ADAMTS6: variants seen among roughly 807,000 people sequenced by gnomAD.
The protein encoded by ADAMTS6 is ADAM metallopeptidase with thrombospondin type 1 motif 6.
Under a neutral mutation model 144.3 loss-of-function variants are expected in ADAMTS6, and 23 were observed. The ratio of observed to expected loss-of-function variants is 0.16; its 90% confidence interval spans 0.11 to 0.23. The LOEUF is 0.23. ADAMTS6 is among the 10% of genes least tolerant of loss of function. The pLI is 1.00. For missense variants in ADAMTS6, 999 were observed against 1,379.6 expected, an observed-to-expected ratio of 0.72 and a Z score of 4.37; for synonymous variants, 444 against 457.5, an observed-to-expected ratio of 0.97 and a Z score of 0.38.
At chr5:65,401,843 T>C (rs773327734) in intron 7 of ADAMTS6, among the ~76,000 whole-genome samples, 1 of 152,218 alleles carries the variant, frequency 6.6e-6, no homozygotes, top group Non-Finnish European at 1.5e-5. Context: ...GCTCCTTACC[T>C]GTAGAAACTG....
At chr5:65,411,735 A>G (rs1755072377) in intron 7 of ADAMTS6, among the ~76,000 whole-genome samples, 1 of 152,220 alleles carries the variant, frequency 6.6e-6, no homozygotes, top group Non-Finnish European at 1.5e-5. Flanking sequence ...CAATTTAGTC[A>G]CTGAAAACAT....
intron 3 of ADAMTS6, among the ~76,000 whole-genome samples, chr5:65,466,490 A>G (rs1350846817): frequency 2.6e-5 from 4 of 152,118 alleles, no homozygotes; most frequent in African/African-American, 7.2e-5. Context: ...TTGTGTGTAT[A>G]CCCTACTAGA....
chr5:65,175,364 AAGAG>A (rs1184477146), intron 22 of ADAMTS6, among the ~76,000 whole-genome samples: 3 of 150,632 alleles, frequency 2.0e-5, no homozygotes, highest in Admixed American at 6.7e-5. Flanking sequence ...GAGAGAAAGA[AAGAG>A]AGAAAGAGAG....
At chr5:65,210,807 C>G in intron 20 of ADAMTS6, 1 of 523,190 alleles carries the variant, frequency 1.9e-6, no homozygotes, top group Non-Finnish European at 3.5e-6. Context: ...ACATAAAGAA[C>G]AGTGTAACTC....
At position 65,273,323 on chromosome 5, in the gene ADAMTS6, T is replaced by C; in HGVS notation, c.1620+17A>G. The C allele has an allele frequency of 6.2e-7, 1 of 1,608,480 alleles. No individual in the cohort carries two copies. Among genetic ancestry groups the C allele is most frequent in the South Asian group, 1.1e-5 (1 of 90,922 alleles). ...TTTTGTATACATGTCAAACAGGTAG[T>C]AAATCATTGAGCTTACCCCTTTTTC... On this transcript the variant is annotated intron_variant, in intron 12 of 24. Transcript: ENST00000381055.
intron 7 of ADAMTS6, among the ~76,000 whole-genome samples, chr5:65,436,865 A>G (rs1206416794): frequency 6.6e-6 from 1 of 152,004 alleles, no homozygotes; most frequent in Non-Finnish European, 1.5e-5. Flanking sequence ...CTCAAAAAAA[A>G]AAAAAAACTT....
At chr5:65,400,785 T>C (rs1753853742) in intron 7 of ADAMTS6, among the ~76,000 whole-genome samples, 1 of 152,192 alleles carries the variant, frequency 6.6e-6, no homozygotes, top group Non-Finnish European at 1.5e-5. Flanking sequence ...CTTTTATTAA[T>C]ATATCCTCTA....
intron 8 of ADAMTS6, among the ~76,000 whole-genome samples, chr5:65,331,168 T>A (rs76392027): frequency 0.014 from 2,154 of 152,212 alleles, 33 homozygotes; most frequent in East Asian, 0.083. Context: ...CTGAATACTG[T>A]TTCTGTTTTG....
At chr5:65,334,143 T>C in intron 7 of ADAMTS6, 58 bp from the exon 8 acceptor site, 1 of 1,473,674 alleles carries the variant, frequency 6.8e-7, no homozygotes, top group Non-Finnish European at 9.1e-7. Flanking sequence ...CATATTTTTC[T>C]ATATTCATCA....
intron 7 of ADAMTS6, among the ~76,000 whole-genome samples, chr5:65,403,832 T>C (rs540719522): frequency 6.6e-6 from 1 of 152,264 alleles, no homozygotes; most frequent in South Asian, 2.1e-4. Flanking sequence ...TATTCCATAT[T>C]TCTTTATCTT....
intron 3 of ADAMTS6, among the ~76,000 whole-genome samples, chr5:65,466,494 T>C (rs569044518): frequency 6.6e-6 from 1 of 152,352 alleles, no homozygotes; most frequent in Admixed American, 6.5e-5. Context: ...GTGTATACCC[T>C]ACTAGAATAC....
At position 65,318,051 on chromosome 5, in the gene ADAMTS6, G is replaced by T. The variant is rs549674250; in HGVS notation, c.1223+11327C>A. ...GATGGTGGCACTGCACTCCAGCTTG[G>T]GTGACAGAGCAAGACTCCATCTCAA... On this transcript the variant is annotated intron_variant, in intron 9 of 24. Coordinates refer to ENST00000381055, the MANE Select transcript of ADAMTS6 (RefSeq NM_197941.4). 4.1e-5 allele frequency among the ~76,000 whole-genome samples: 6 copies of T among 147,416 alleles called. No homozygotes were observed. The East Asian group carries it at 9.8e-4, about 24-fold the overall frequency.
chr5:65,163,366 T>G (rs1752905837), intron 24 of ADAMTS6, among the ~76,000 whole-genome samples: 1 of 152,222 alleles, frequency 6.6e-6, no homozygotes, highest in South Asian at 2.1e-4. Context: ...AGCCAGAGAT[T>G]CTGCAAAATT....
At chr5:65,427,246 T>A (rs1756612427) in intron 7 of ADAMTS6, among the ~76,000 whole-genome samples, 1 of 152,070 alleles carries the variant, frequency 6.6e-6, no homozygotes, top group Non-Finnish European at 1.5e-5. Context: ...TTATTTTTAT[T>A]CTATCATTTG....
intron 15 of ADAMTS6, among the ~76,000 whole-genome samples, chr5:65,226,747 T>A (rs1580116164): frequency 6.6e-6 from 1 of 152,232 alleles, no homozygotes; most frequent in South Asian, 2.1e-4. Context: ...TATGCCCATC[T>A]AATTTTTGTA....
At chr5:65,266,631 C>T (rs1359857336) in intron 12 of ADAMTS6, among the ~76,000 whole-genome samples, 1 of 151,858 alleles carries the variant, frequency 6.6e-6, no homozygotes, top group Non-Finnish European at 1.5e-5. Flanking sequence ...TCTTTTGTTT[C>T]CTTAACTATA....
At chr5:65,274,273 C>A (rs1212163482) in intron 11 of ADAMTS6, among the ~76,000 whole-genome samples, 1 of 151,894 alleles carries the variant, frequency 6.6e-6, no homozygotes, top group Non-Finnish European at 1.5e-5. Context: ...TCAACCGCCC[C>A]CAAAAAGCTT....
intron 7 of ADAMTS6, among the ~76,000 whole-genome samples, chr5:65,355,411 C>A (rs1749227487): frequency 6.6e-6 from 1 of 151,794 alleles, no homozygotes; most frequent in South Asian, 2.1e-4. Flanking sequence ...CTATATAGGA[C>A]ATGACTCTCT....
intron 1 of ADAMTS6, among the ~76,000 whole-genome samples, chr5:65,478,747 T>C (rs1466608044): frequency 2.0e-5 from 3 of 152,240 alleles, no homozygotes; most frequent in Non-Finnish European, 4.4e-5. Context: ...ATGATAATGA[T>C]ACTTATAACT....
Sources: allele counts gnomAD v4.1 joint callset (sites outside exome capture counted in the v4.1 genomes callset), GRCh38; gene constraint gnomAD v4.1.1; transcripts MANE v1.5; gene names NCBI Gene and HGNC (gene_info 2026-07-23, HGNC 2026-07-21).